Variants in ADAMTSL3 observed in about 807,000 individuals in gnomAD.
ADAMTSL3 encodes ADAMTS-like protein 3.
ADAMTSL3 carries 128 observed loss-of-function variants against 201.7 expected under a neutral mutation model. That is an observed-to-expected ratio of 0.63 (90% CI 0.55 to 0.73). ADAMTSL3 has a LOEUF of 0.73. Ranked by LOEUF, ADAMTSL3 falls within the 30% of genes least tolerant of loss-of-function variation. The probability of loss-of-function intolerance (pLI) is 0.00; values close to 1 mark genes in which losing one functional copy is unlikely to be tolerated. For missense variants in ADAMTSL3, 1,990 were observed against 2,119.6 expected (o/e 0.94, Z 1.20); for synonymous variants, 738 against 748.4 (o/e 0.99, Z 0.23).
At chr15:83,946,601 C>G (rs537621882) in intron 19 of ADAMTSL3, among the ~76,000 whole-genome samples, 1 of 152,214 alleles carries the variant, frequency 6.6e-6, no homozygotes, top group African/African-American at 2.4e-5. Flanking sequence ...CAAGTAAATA[C>G]TATTCCTCAA....
intron 19 of ADAMTSL3, chr15:83,962,482 G>T (rs1385725494): frequency 6.6e-6 from 1 of 151,896 alleles, no homozygotes; most frequent in Non-Finnish European, 1.5e-5. Context: ...ATTAATCATG[G>T]TTTAAAAAAT....
intron 19 of ADAMTSL3, among the ~76,000 whole-genome samples, chr15:83,959,445 T>C (rs992154645): frequency 6.6e-6 from 1 of 152,148 alleles, no homozygotes; most frequent in Non-Finnish European, 1.5e-5. Context: ...GATAAAAATA[T>C]ATTTGTGCAT....
At chr15:83,700,627 G>A (rs1292875356) in intron 2 of ADAMTSL3, among the ~76,000 whole-genome samples, 1 of 152,128 alleles carries the variant, frequency 6.6e-6, no homozygotes, top group African/African-American at 2.4e-5. Context: ...ATCCAGGCAT[G>A]GTGGTGGGCA....
chr15:83,886,690 C>T (rs1449115981), intron 10 of ADAMTSL3, among the ~76,000 whole-genome samples: 1 of 152,186 alleles, frequency 6.6e-6, no homozygotes, highest in African/African-American at 2.4e-5. Flanking sequence ...ATCCTTGAAG[C>T]CTACCGCATA....
intron 9 of ADAMTSL3, among the ~76,000 whole-genome samples, chr15:83,884,338 CTTTT>C (rs35308485): frequency 4.4e-5 from 5 of 114,484 alleles, no homozygotes; most frequent in Admixed American, 9.6e-5. Context: ...GCCCTATTTC[CTTTT>C]TTTTTTTTTT....
chr15:83,887,918 T>C (rs1165327150), intron 10 of ADAMTSL3, among the ~76,000 whole-genome samples: 1 of 152,230 alleles, frequency 6.6e-6, no homozygotes, highest in African/African-American at 2.4e-5. Context: ...TTAAATTTTA[T>C]TTCTTTGTTC....
chr15:84,004,005 G>A (rs2067847765), intron 23 of ADAMTSL3, among the ~76,000 whole-genome samples: 1 of 152,224 alleles, frequency 6.6e-6, no homozygotes, highest in Non-Finnish European at 1.5e-5. Context: ...TACAGTCTGA[G>A]AAAACCATGC....
chr15:83,678,815 A>ATAATG (rs2061441112), intron 2 of ADAMTSL3, among the ~76,000 whole-genome samples: 1 of 63,378 alleles, frequency 1.6e-5, no homozygotes, highest in African/African-American at 5.6e-5. Context: ...TTTATATAAT[A>ATAATG]TAAAATATAA....
chr15:83,762,073 A>T (rs1438764611), intron 3 of ADAMTSL3, among the ~76,000 whole-genome samples: 7 of 149,908 alleles, frequency 4.7e-5, no homozygotes, highest in African/African-American at 1.7e-4. Flanking sequence ...TTTTTTTGAG[A>T]TGGAGTCTCG....
intron 17 of ADAMTSL3, among the ~76,000 whole-genome samples, chr15:83,932,176 T>G (rs2066370718): frequency 6.6e-6 from 1 of 152,226 alleles, no homozygotes; most frequent in Non-Finnish European, 1.5e-5. Flanking sequence ...GAGCTAAACT[T>G]GCTGAACTAT....
chr15:83,774,928 CCT>C (rs1204655791), intron 4 of ADAMTSL3, among the ~76,000 whole-genome samples: 1 of 150,790 alleles, frequency 6.6e-6, no homozygotes, highest in Non-Finnish European at 1.5e-5. Flanking sequence ...CTCACTGAAA[CCT>C]CTGTCTCCCA....
intron 17 of ADAMTSL3, among the ~76,000 whole-genome samples, chr15:83,930,492 G>A (rs982321841): frequency 2.0e-5 from 3 of 152,236 alleles, no homozygotes; most frequent in Middle Eastern, 6.8e-3. Context: ...ACTGAAGAAA[G>A]CTTACTGGTT....
Position 83,858,939 on chromosome 15 carries a change from A to C in ADAMTSL3, c.802+99A>C. The stretch of plus-strand genomic sequence containing the variant: ...AACCCACAAACCAAACCAACAAGCA[A>C]AAAAACTTTCTCTAAGTTAATGGGT... On this transcript the variant is annotated intron_variant, in intron 8 of 29. Coordinates refer to ENST00000286744, the MANE Select transcript of ADAMTSL3 (RefSeq NM_207517.3). 4 of 1,038,864 alleles carry C rather than the reference A, an allele frequency of 3.9e-6. No individual in the cohort carries two copies. The South Asian group carries it at 4.5e-5, about 12-fold the overall frequency. 64.4% of individuals were successfully genotyped at this position (1,038,864 alleles called of 1,614,324 possible).
At chr15:83,906,179 G>C (rs2065828686) in intron 15 of ADAMTSL3, among the ~76,000 whole-genome samples, 1 of 152,108 alleles carries the variant, frequency 6.6e-6, no homozygotes, top group East Asian at 1.9e-4. Context: ...CAAGTACTCT[G>C]TAATTGTTAT....
intron 5 of ADAMTSL3, among the ~76,000 whole-genome samples, chr15:83,811,549 A>C (rs771639192): frequency 1.3e-5 from 2 of 152,232 alleles, no homozygotes; most frequent in Non-Finnish European, 2.9e-5. Context: ...ATGAGGTGCA[A>C]TGGTTAGGAC....
At chr15:83,976,216 C>G (rs113215464) in intron 20 of ADAMTSL3, among the ~76,000 whole-genome samples, 14 of 152,146 alleles carry the variant, frequency 9.2e-5, no homozygotes, top group African/African-American at 3.4e-4. Context: ...GTAAATACTC[C>G]CATTGTAGCT....
chr15:83,983,945 G>A (rs138787083), intron 21 of ADAMTSL3, among the ~76,000 whole-genome samples: 1 of 152,282 alleles, frequency 6.6e-6, no homozygotes, highest in East Asian at 1.9e-4. Context: ...GGTATCTGAA[G>A]TAGTTTTCTA....
Position 83,842,630 on chromosome 15 carries a change from G to A in ADAMTSL3, c.727+4415G>A, listed in dbSNP as rs148879473. On this transcript the variant is annotated intron_variant, in intron 7 of 29. Transcript: ENST00000286744. The stretch of plus-strand genomic sequence containing the variant: ...ATATTTGAAAATCAACAATCAGTCC[G>A]TCTGGGGATTGATTTTAAGAGAGCT... Among the ~76,000 whole-genome samples the A allele has an allele frequency of 2.2e-3, 342 of 152,304 alleles. 8 individuals are homozygous for A. In the South Asian group the frequency reaches 0.034, roughly 15 times the overall value.
Position 83,970,645 on chromosome 15 carries a change from T to G in ADAMTSL3, c.2644+8T>G, listed in dbSNP as rs761318833. The G allele has an allele frequency of 1.9e-5, 31 of 1,613,788 alleles. No individual in the cohort carries two copies. The highest frequency in any genetic ancestry group is 2.5e-5 in the Non-Finnish European group (29 of 1,179,912). ...AGATGCCTGAGTGCAGTAGTAAGTA[T>G]GCGGTGTCCGCGCTTCACCAAGATA... is the stretch of plus-strand genomic sequence containing the variant. On this transcript the variant is annotated splice_region_variant and intron_variant, in intron 20 of 29. Coordinates refer to ENST00000286744, the MANE Select transcript of ADAMTSL3 (RefSeq NM_207517.3).
Sources: gnomAD v4.1 joint callset for allele counts (sites outside exome capture counted in the v4.1 genomes callset) on GRCh38, gnomAD v4.1.1 for gene constraint, MANE v1.5 for transcripts, NCBI Gene and HGNC (gene_info 2026-07-23, HGNC 2026-07-21) for gene names.